The following NXPH1 variants were observed in gnomAD, a reference collection of about 807,000 sequenced individuals.
NXPH1 encodes neurexophilin-1.
NXPH1 carries 5 observed loss-of-function variants against 23.7 expected under a neutral mutation model. That is an observed-to-expected ratio of 0.21 (90% CI 0.11 to 0.44). The LOEUF is 0.44. Among genes scored for constraint, NXPH1 ranks in the 20% least tolerant of loss-of-function variants. The pLI is 0.99. For missense variants in NXPH1, 324 were observed against 321.6 expected, an observed-to-expected ratio of 1.01 and a Z score of -0.06; for synonymous variants, 144 against 122.2, an observed-to-expected ratio of 1.18 and a Z score of -1.18.
At position 8,745,802 on chromosome 7, in the gene NXPH1, C is replaced by T. The variant is rs150712527; in HGVS notation, c.55-5206C>T. Among the ~76,000 whole-genome samples, 23 of 147,116 alleles carry T rather than the reference C, an allele frequency of 1.6e-4. No individual in the cohort carries two copies. The Middle Eastern group carries it at 0.019, about 118-fold the overall frequency. ...CCAGGATGATCTGATCTCTTGACCTCTTTATCCTCCTGCCTTGGCCTCCCA... is the reference window on the plus strand; with the variant it reads ...CCAGGATGATCTGATCTCTTGACCTTTTTATCCTCCTGCCTTGGCCTCCCA... On this transcript the variant is annotated intron_variant, in intron 2 of 2. Coordinates refer to ENST00000405863, the MANE Select transcript of NXPH1 (RefSeq NM_152745.3).
At chr7:8,738,581 C>T (rs1306071600) in intron 2 of NXPH1, among the ~76,000 whole-genome samples, 1 of 152,148 alleles carries the variant, frequency 6.6e-6, no homozygotes, top group Admixed American at 6.5e-5. Context: ...GGGTATCTCC[C>T]AGTCAGGAGG....
intron 2 of NXPH1, among the ~76,000 whole-genome samples, chr7:8,732,481 T>G (rs917512527): frequency 1.4e-4 from 22 of 152,338 alleles, no homozygotes; most frequent in Middle Eastern, 3.4e-3. Flanking sequence ...TATTGACCAC[T>G]AATTCAGGTA....
chr7:8,531,581 G>A (rs1817950369), intron 2 of NXPH1, among the ~76,000 whole-genome samples: 1 of 152,066 alleles, frequency 6.6e-6, no homozygotes, highest in African/African-American at 2.4e-5. Context: ...AACACCTGAT[G>A]AGCATTTTTT....
intron 2 of NXPH1, among the ~76,000 whole-genome samples, chr7:8,576,225 A>G (rs1235219554): frequency 6.6e-6 from 1 of 152,156 alleles, no homozygotes; most frequent in Non-Finnish European, 1.5e-5. Context: ...TCATGTTTCC[A>G]TACTTAGCAA....
intron 2 of NXPH1, among the ~76,000 whole-genome samples, chr7:8,639,868 C>A (rs1194664127): frequency 2.0e-5 from 3 of 152,152 alleles, no homozygotes; most frequent in African/African-American, 7.2e-5. Flanking sequence ...GATTCTGAGG[C>A]CTGCCTAGTC....
intron 2 of NXPH1, among the ~76,000 whole-genome samples, chr7:8,673,991 A>T (rs543451639): frequency 6.6e-6 from 1 of 152,126 alleles, no homozygotes; most frequent in Non-Finnish European, 1.5e-5. Flanking sequence ...GTTGAAAGCT[A>T]CTCCACATAA....
chr7:8,732,372 G>A (rs978893550), intron 2 of NXPH1, among the ~76,000 whole-genome samples: 5 of 152,120 alleles, frequency 3.3e-5, no homozygotes, highest in African/African-American at 1.2e-4. Flanking sequence ...CTTCGCCTTC[G>A]TTTGTTTCAT....
chr7:8,499,559 GC>G (rs1172969926), intron 2 of NXPH1, among the ~76,000 whole-genome samples: 11 of 152,052 alleles, frequency 7.2e-5, no homozygotes, highest in Admixed American at 6.6e-4. Context: ...AACAGACAGT[GC>G]AAAAATAAGG....
intron 2 of NXPH1, among the ~76,000 whole-genome samples, chr7:8,573,747 T>C (rs1818696933): frequency 6.6e-6 from 1 of 152,158 alleles, no homozygotes; most frequent in Non-Finnish European, 1.5e-5. Flanking sequence ...TAAATGTCTC[T>C]GAACTTTTGG....
chr7:8,651,607 A>G (rs1820493639), intron 2 of NXPH1, among the ~76,000 whole-genome samples: 1 of 152,164 alleles, frequency 6.6e-6, no homozygotes. Flanking sequence ...AAGTGTTCCT[A>G]TAATTTTAAG....
At chr7:8,620,840 G>A (rs1583198541) in intron 2 of NXPH1, among the ~76,000 whole-genome samples, 1 of 152,304 alleles carries the variant, frequency 6.6e-6, no homozygotes, top group East Asian at 1.9e-4. Flanking sequence ...GGACAAGGAC[G>A]ATTTAGAAAT....
chr7:8,721,244 A>T (rs1779964521), intron 2 of NXPH1, among the ~76,000 whole-genome samples: 1 of 152,188 alleles, frequency 6.6e-6, no homozygotes, highest in African/African-American at 2.4e-5. Context: ...ACACACATAC[A>T]TACATATATG....
intron 2 of NXPH1, among the ~76,000 whole-genome samples, chr7:8,503,803 T>C (rs1278468868): frequency 2.0e-5 from 3 of 151,980 alleles, no homozygotes; most frequent in African/African-American, 4.8e-5. Context: ...GTCCGGTTCA[T>C]CCGGAACACC....
At chr7:8,553,107 T>G (rs1054205826) in intron 2 of NXPH1, among the ~76,000 whole-genome samples, 1 of 151,550 alleles carries the variant, frequency 6.6e-6, no homozygotes, top group Non-Finnish European at 1.5e-5. Flanking sequence ...AAAAGCAGTT[T>G]TTAGTGAAGC....
intron 2 of NXPH1, among the ~76,000 whole-genome samples, chr7:8,524,223 C>T (rs2128616203): frequency 9.1e-6 from 1 of 110,054 alleles, no homozygotes; most frequent in East Asian, 2.7e-4. Context: ...GTCTGGGTGA[C>T]AGAGTGAGAC....
intron 2 of NXPH1, among the ~76,000 whole-genome samples, chr7:8,464,316 T>C (rs1002258057): frequency 1.3e-5 from 2 of 152,202 alleles, no homozygotes; most frequent in African/African-American, 2.4e-5. Flanking sequence ...TTTCACTCTT[T>C]TAGGAATATT....
chr7:8,592,306 C>T (rs1011018323), intron 2 of NXPH1, among the ~76,000 whole-genome samples: 2 of 151,954 alleles, frequency 1.3e-5, no homozygotes, highest in African/African-American at 4.8e-5. Flanking sequence ...TCACGCAATA[C>T]ATAATATAGC....
chr7:8,673,507 C>A (rs1369278786), intron 2 of NXPH1, among the ~76,000 whole-genome samples: 6 of 152,102 alleles, frequency 3.9e-5, no homozygotes, highest in African/African-American at 7.2e-5. Context: ...GTCAAAGAGG[C>A]TGTGTGGCAT....
At chr7:8,493,764 A>C (rs903530884) in intron 2 of NXPH1, among the ~76,000 whole-genome samples, 1 of 151,992 alleles carries the variant, frequency 6.6e-6, no homozygotes, top group Non-Finnish European at 1.5e-5. Flanking sequence ...TTTTTGTCTT[A>C]AGCACAAAAG....
Sources: allele counts gnomAD v4.1 joint callset (sites outside exome capture counted in the v4.1 genomes callset), GRCh38; gene constraint gnomAD v4.1.1; transcripts MANE v1.5; gene names NCBI Gene and HGNC (gene_info 2026-07-23, HGNC 2026-07-21).